The following MBOAT2 variants were observed in gnomAD, a reference collection of about 807,000 sequenced individuals.
The protein encoded by MBOAT2 is membrane bound glycerophospholipid O-acyltransferase 2, also known as membrane-bound glycerophospholipid O-acyltransferase 2.
In MBOAT2, 28 loss-of-function variants were observed where a neutral mutation model predicts 63.4. The observed-to-expected ratio is 0.44, with a 90% CI of 0.33 to 0.61. MBOAT2 has a LOEUF of 0.61. Ranked by LOEUF, MBOAT2 falls within the 20% of genes least tolerant of loss-of-function variation. The pLI is 0.03. For missense variants in MBOAT2, 470 were observed against 605.8 expected, an observed-to-expected ratio of 0.78 and a Z score of 2.35; for synonymous variants, 211 against 215.6, an observed-to-expected ratio of 0.98 and a Z score of 0.19.
chr2:8,941,075 G>A (rs1168807508), intron 3 of MBOAT2, among the ~76,000 whole-genome samples: 1 of 151,754 alleles, frequency 6.6e-6, no homozygotes, highest in Non-Finnish European at 1.5e-5. Flanking sequence ...AAAAAAAAAT[G>A]AGCATATTCA....
intron 6 of MBOAT2, among the ~76,000 whole-genome samples, chr2:8,878,865 A>G (rs1417163122): frequency 1.3e-5 from 2 of 152,014 alleles, no homozygotes; most frequent in Non-Finnish European, 1.5e-5. Flanking sequence ...TCACGAGGTC[A>G]GGAGATCGAG....
At chr2:8,913,960 G>A (rs770478588) in intron 3 of MBOAT2, among the ~76,000 whole-genome samples, 10 of 152,018 alleles carry the variant, frequency 6.6e-5, no homozygotes, top group South Asian at 2.1e-4. Flanking sequence ...AAGAAACTGC[G>A]GTATATATAT....
rs1159290925 is a variant in MBOAT2, at chr2:8,853,803, A to G, written c.*4876T>C. On this transcript the variant is annotated 3_prime_UTR_variant, in exon 13 of 13. Transcript: ENST00000305997. ...TTGTACTTAAAGAAGAGTTATAATC[A>G]GTTTTAAAGGCAAGACAAATTAGTT... 6.6e-6 allele frequency: 1 copy of G among 152,206 alleles called. No individual in the cohort carries two copies. The highest frequency in any genetic ancestry group is 2.4e-5 in the African/African-American group (1 of 41,454). The allele number at this position is 152,206 out of a possible 1,614,324, so 9.4% of individuals were successfully genotyped here.
At chr2:9,000,693 A>G (rs1027968197) in intron 1 of MBOAT2, among the ~76,000 whole-genome samples, 1 of 152,230 alleles carries the variant, frequency 6.6e-6, no homozygotes, top group African/African-American at 2.4e-5. Context: ...ACCAGATGGT[A>G]CAGCCTAGGA....
At chr2:8,859,651 G>A (rs1196119330) in intron 12 of MBOAT2, among the ~76,000 whole-genome samples, 2 of 151,940 alleles carry the variant, frequency 1.3e-5, no homozygotes, top group South Asian at 2.1e-4. Context: ...ATTTTTTTAC[G>A]ACTCTGTGCT....
At chr2:8,867,105 G>A (rs545620550) in intron 9 of MBOAT2, among the ~76,000 whole-genome samples, 12 of 152,180 alleles carry the variant, frequency 7.9e-5, no homozygotes, top group African/African-American at 2.4e-4. Context: ...CCAGGCTACA[G>A]TGCAAGTGGC....
intron 1 of MBOAT2, among the ~76,000 whole-genome samples, chr2:8,990,722 T>G (rs1391348400): frequency 6.6e-6 from 1 of 152,224 alleles, no homozygotes; most frequent in South Asian, 2.1e-4. Context: ...TAATTTTGAT[T>G]AACATATCAG....
intron 1 of MBOAT2, among the ~76,000 whole-genome samples, chr2:8,972,099 G>A (rs376094220): frequency 2.6e-5 from 4 of 152,098 alleles, no homozygotes; most frequent in Non-Finnish European, 5.9e-5. Flanking sequence ...GAGGCATCAC[G>A]CTACCTGACT....
At chr2:8,904,066 T>C (rs943063106) in intron 4 of MBOAT2, among the ~76,000 whole-genome samples, 4 of 152,046 alleles carry the variant, frequency 2.6e-5, no homozygotes, top group Non-Finnish European at 1.5e-5. Context: ...AACCTCCACC[T>C]CCTGGGTTCC....
intron 5 of MBOAT2, among the ~76,000 whole-genome samples, chr2:8,887,355 T>A (rs62104413): frequency 0.083 from 12,640 of 152,158 alleles, 644 homozygotes; most frequent in African/African-American, 0.15. Flanking sequence ...CTCTCTGCAC[T>A]GTACTGTCAA....
intron 6 of MBOAT2, among the ~76,000 whole-genome samples, chr2:8,878,859 G>A (rs1010697649): frequency 5.3e-5 from 8 of 151,926 alleles, no homozygotes; most frequent in African/African-American, 1.2e-4. Context: ...GGCGGATCAC[G>A]AGGTCAGGAG....
intron 10 of MBOAT2, among the ~76,000 whole-genome samples, chr2:8,863,824 T>C (rs1302809893): frequency 6.6e-6 from 1 of 152,200 alleles, no homozygotes; most frequent in East Asian, 1.9e-4. Flanking sequence ...ATAAGTACTG[T>C]GCTTGTGCAG....
intron 4 of MBOAT2, among the ~76,000 whole-genome samples, chr2:8,896,979 G>A (rs994232447): frequency 6.6e-6 from 1 of 152,216 alleles, no homozygotes; most frequent in Admixed American, 6.5e-5. Context: ...CAGTGCTTTC[G>A]GGCTATGCCC....
At chr2:8,999,907 T>C (rs1286787517) in intron 1 of MBOAT2, among the ~76,000 whole-genome samples, 1 of 152,248 alleles carries the variant, frequency 6.6e-6, no homozygotes, top group Admixed American at 6.5e-5. Flanking sequence ...CCAATACCTC[T>C]GGAATTCTCA....
At chr2:8,974,528 G>C (rs1422748389) in intron 1 of MBOAT2, 2 of 425,120 alleles carry the variant, frequency 4.7e-6, no homozygotes. Flanking sequence ...AATCCAGAAA[G>C]CATGCTATCT....
At chr2:8,876,716 G>T (rs1306597891) in intron 7 of MBOAT2, among the ~76,000 whole-genome samples, 2 of 149,008 alleles carry the variant, frequency 1.3e-5, no homozygotes, top group East Asian at 4.1e-4. Flanking sequence ...AGGAAAGGGG[G>T]AAGGGGGAAG....
chr2:8,887,182 G>A (rs899290260), intron 5 of MBOAT2, among the ~76,000 whole-genome samples: 2 of 152,144 alleles, frequency 1.3e-5, no homozygotes, highest in Non-Finnish European at 2.9e-5. Flanking sequence ...TTCTTTTTCT[G>A]AAGGGCAGAA....
In MBOAT2 at chr2:8,868,431, T is replaced by TA. The variant is rs758847348; in HGVS notation, c.987+14dup. 6.2e-7 allele frequency: 1 copy of TA among 1,607,338 alleles called. No homozygotes were observed. The highest frequency in any genetic ancestry group is 8.5e-7 in the Non-Finnish European group (1 of 1,174,966). The stretch of plus-strand genomic sequence containing the variant: ...TTAAAGTATATAGTAACTAACTTCT[T>TA]AAAGATTGACTCACCTCTATTTGTT... On this transcript the variant is annotated intron_variant, in intron 9 of 12. Transcript: ENST00000305997.
intron 1 of MBOAT2, among the ~76,000 whole-genome samples, chr2:8,991,998 C>G (rs756170290): frequency 1.1e-4 from 16 of 152,166 alleles, no homozygotes; most frequent in Non-Finnish European, 1.9e-4. Context: ...CTCCAGACAT[C>G]TGAACTTGGA....
Sources: allele counts gnomAD v4.1 joint callset (sites outside exome capture counted in the v4.1 genomes callset), GRCh38; gene constraint gnomAD v4.1.1; transcripts MANE v1.5; gene names NCBI Gene and HGNC (gene_info 2026-07-23, HGNC 2026-07-21).